Variants in TMEM178B observed in about 807,000 individuals in gnomAD.
TMEM178B encodes transmembrane protein 178B.
A neutral mutation model predicts 31.0 loss-of-function variants in TMEM178B; 5 were observed. The ratio of observed to expected loss-of-function variants is 0.16; its 90% CI spans 0.08 to 0.34. The LOEUF is 0.34. TMEM178B is among the 10% of genes least tolerant of loss of function. The pLI is 1.00. For missense variants in TMEM178B, 275 were observed against 400.3 expected (o/e 0.69, Z 2.67); for synonymous variants, 164 against 164.0 (o/e 1.00, Z 0.00).
chr7:141,368,798 A>G (rs1800056478), intron 2 of TMEM178B, among the ~76,000 whole-genome samples: 1 of 152,254 alleles, frequency 6.6e-6, no homozygotes, highest in African/African-American at 2.4e-5. Flanking sequence ...CAGAATTTCC[A>G]ATGGTATGAA....
At position 141,470,671 on chromosome 7, in the gene TMEM178B, G is replaced by T. The variant is rs981953489; in HGVS notation, c.770G>T (p.Gly257Val). The T allele has an allele frequency of 2.5e-5, 39 of 1,535,602 alleles. No individual in the cohort carries two copies. The highest frequency in any genetic ancestry group is 3.4e-5 in the Non-Finnish European group (39 of 1,146,830). ...GYGWSMFCAW[G>V]GLGLTLISGF... is the part of the protein sequence containing the mutation. ...GGCTGGTCCATGTTCTGTGCATGGG[G>T]GGGCCTGGGCCTCACACTCATCTCG... Residue 257 changes from glycine (G) to valine (V), a missense_variant, in exon 4 of 4, where the codon GGG becomes GTG. Coordinates refer to ENST00000565468, the MANE Select transcript of TMEM178B (RefSeq NM_001195278.2).
At chr7:141,366,333 G>A (rs1227876924) in intron 2 of TMEM178B, among the ~76,000 whole-genome samples, 2 of 152,106 alleles carry the variant, frequency 1.3e-5, no homozygotes, top group Non-Finnish European at 2.9e-5. Context: ...TGAATGTTTT[G>A]TTTTCCCTCC....
intron 2 of TMEM178B, among the ~76,000 whole-genome samples, chr7:141,286,807 T>A (rs1366146204): frequency 1.3e-5 from 2 of 152,194 alleles, no homozygotes; most frequent in African/African-American, 4.8e-5. Flanking sequence ...AGAACATTGC[T>A]TAAAATAATC....
At chr7:141,460,935 C>G (rs1802048699) in intron 3 of TMEM178B, among the ~76,000 whole-genome samples, 1 of 152,206 alleles carries the variant, frequency 6.6e-6, no homozygotes, top group African/African-American at 2.4e-5. Flanking sequence ...ACCCTGTGAC[C>G]TGCCTGTTGA....
downstream of TMEM178B, among the ~76,000 whole-genome samples, chr7:141,485,186 C>T (rs1016205658): frequency 1.3e-5 from 2 of 152,158 alleles, no homozygotes; most frequent in Non-Finnish European, 2.9e-5. Context: ...CTGAGAAAGC[C>T]CGGACCATGT....
rs140491594 is a variant in TMEM178B, at chr7:141,469,927, C to T, written c.635-609C>T. Among the ~76,000 whole-genome samples the T allele has an allele frequency of 2.0e-3, 301 of 152,272 alleles. 5 individuals are homozygous for T. The highest frequency in any genetic ancestry group is 6.6e-3 in the African/African-American group (276 of 41,558). On this transcript the variant is annotated intron_variant, in intron 3 of 3. Coordinates refer to ENST00000565468, the MANE Select transcript of TMEM178B (RefSeq NM_001195278.2). ...GTGAGAAGTCATGAGTAGGATTCCC[C>T]GTCTTTTGACTCTGCCTCCCACTTT...
intron 2 of TMEM178B, among the ~76,000 whole-genome samples, chr7:141,380,091 C>T (rs1586922862): frequency 6.6e-6 from 1 of 152,150 alleles, no homozygotes; most frequent in African/African-American, 2.4e-5. Context: ...CAAATTTAGT[C>T]GAATTTTAAA....
intron 2 of TMEM178B, among the ~76,000 whole-genome samples, chr7:141,408,965 G>A (rs1457632922): frequency 6.6e-6 from 1 of 152,192 alleles, no homozygotes; most frequent in African/African-American, 2.4e-5. Flanking sequence ...GTATTTGTGT[G>A]CAAGAGACAG....
intron 2 of TMEM178B, among the ~76,000 whole-genome samples, chr7:141,275,893 G>A (rs1798258795): frequency 6.6e-6 from 1 of 152,146 alleles, no homozygotes; most frequent in East Asian, 1.9e-4. Flanking sequence ...AAGATTCAGA[G>A]GCTCCTCGTG....
At chr7:141,413,183 A>G (rs1278058150) in intron 2 of TMEM178B, among the ~76,000 whole-genome samples, 3 of 152,196 alleles carry the variant, frequency 2.0e-5, no homozygotes, top group Non-Finnish European at 4.4e-5. Context: ...TCTGCCTGAC[A>G]TTCAGGAATT....
At chr7:141,353,728 A>AC (rs1396062033) in intron 2 of TMEM178B, among the ~76,000 whole-genome samples, 1 of 152,164 alleles carries the variant, frequency 6.6e-6, no homozygotes, top group Non-Finnish European at 1.5e-5. Flanking sequence ...AATCTCTGTA[A>AC]CCTTCTTTAA....
chr7:141,286,711 C>T (rs1161219095), intron 2 of TMEM178B, among the ~76,000 whole-genome samples: 1 of 152,096 alleles, frequency 6.6e-6, no homozygotes, highest in African/African-American at 2.4e-5. Context: ...GATGTGTGAC[C>T]CTGAGCCAGC....
intron 3 of TMEM178B, among the ~76,000 whole-genome samples, chr7:141,464,265 C>T (rs535600177): frequency 3.3e-4 from 51 of 152,240 alleles, no homozygotes; most frequent in Admixed American, 1.2e-3. Context: ...AAACCCTCCC[C>T]GACCTAGCAT....
At chr7:141,363,541 G>A (rs985376889) in intron 2 of TMEM178B, among the ~76,000 whole-genome samples, 2 of 152,180 alleles carry the variant, frequency 1.3e-5, no homozygotes, top group African/African-American at 4.8e-5. Context: ...GGACTTGAAC[G>A]CAATTCTCTG....
At chr7:141,454,621 C>G (rs946363911) in intron 3 of TMEM178B, among the ~76,000 whole-genome samples, 1 of 145,932 alleles carries the variant, frequency 6.9e-6, no homozygotes, top group African/African-American at 2.5e-5. Flanking sequence ...CCTTCCTTTC[C>G]TTTCCTTTCC....
In TMEM178B at chr7:141,074,698, C is replaced by A; in HGVS notation, c.382+6C>A. The stretch of plus-strand genomic sequence containing the variant: ...CGCCGCCCTCATTCGGAAAGGTAAG[C>A]GCCGGGCGCAAGGCGTGGCGCTGCG... On this transcript the variant is annotated splice_donor_region_variant and intron_variant, in intron 1 of 3. Transcript: ENST00000565468. This position sits in a 1 kb window ranked among gnomAD's most constrained non-coding sequence, Gnocchi z 5.1. The A allele has an allele frequency of 2.0e-6, 3 of 1,480,926 alleles. No homozygotes were observed. Among genetic ancestry groups the A allele is most frequent in the Non-Finnish European group, 2.7e-6 (3 of 1,119,128 alleles). The allele number at this position is 1,480,926 out of a possible 1,614,324, so 91.7% of individuals were successfully genotyped here. A position where few individuals can be genotyped will look rare whatever the true frequency, so the allele number is the denominator to read the frequency against.
At chr7:141,108,762 T>A (rs1382869526) in intron 1 of TMEM178B, among the ~76,000 whole-genome samples, 4 of 152,134 alleles carry the variant, frequency 2.6e-5, no homozygotes, top group Non-Finnish European at 5.9e-5. Context: ...TCTCTAGCAG[T>A]GTTCTGCTGT....
chr7:141,259,856 C>T (rs1797985129), intron 2 of TMEM178B, among the ~76,000 whole-genome samples: 1 of 152,092 alleles, frequency 6.6e-6, no homozygotes, highest in Admixed American at 6.6e-5. Flanking sequence ...AAAGTTCAGT[C>T]AGCTTATGGG....
chr7:141,114,476 T>G (rs1468875072), intron 1 of TMEM178B, among the ~76,000 whole-genome samples: 1 of 152,256 alleles, frequency 6.6e-6, no homozygotes, highest in South Asian at 2.1e-4. Flanking sequence ...TTGGGAGACC[T>G]GTTGGACTTC....
Sources: allele counts gnomAD v4.1 joint callset (sites outside exome capture counted in the v4.1 genomes callset), GRCh38; gene constraint gnomAD v4.1.1; non-coding constraint Gnocchi (gnomAD v3.1); transcripts MANE v1.5; gene names NCBI Gene and HGNC (gene_info 2026-07-23, HGNC 2026-07-21).